Variants in CDH13 observed in about 807,000 individuals in gnomAD.
The protein encoded by CDH13 is cadherin-13.
Under a neutral mutation model 63.8 loss-of-function variants are expected in CDH13, and 24 were observed. The observed-to-expected ratio is 0.38, with a 90% CI of 0.27 to 0.53. The LOEUF is 0.53. CDH13 is among the 20% of genes least tolerant of loss of function. CDH13 has a pLI of 0.85. For synonymous variants in CDH13, 503 were observed against 355.3 expected (o/e 1.42, Z -4.67); for missense variants, 1,049 against 903.1 (o/e 1.16, Z -2.07).
intron 1 of CDH13, among the ~76,000 whole-genome samples, chr16:82,663,784 G>C (rs1432283150): frequency 6.6e-6 from 1 of 152,160 alleles, no homozygotes; most frequent in Admixed American, 6.5e-5. Context: ...AGGTGGGGTT[G>C]GGGGTGATCT....
intron 8 of CDH13, among the ~76,000 whole-genome samples, chr16:83,651,037 G>A (rs1216078399): frequency 1.3e-5 from 2 of 151,990 alleles, no homozygotes; most frequent in African/African-American, 4.8e-5. Flanking sequence ...GGAGGTCAAG[G>A]CTGCAGTGAG....
intron 4 of CDH13, among the ~76,000 whole-genome samples, chr16:83,176,512 GAAAAAAAA>G (rs869250059): frequency 5.6e-5 from 4 of 71,784 alleles, no homozygotes; most frequent in African/African-American, 1.8e-4. Context: ...TCCAGCTAGA[GAAAAAAAA>G]AAAAAAAAAA....
intron 8 of CDH13, among the ~76,000 whole-genome samples, chr16:83,654,202 C>G (rs1261225194): frequency 6.6e-6 from 1 of 151,988 alleles, no homozygotes. Context: ...TTCTTTCTAT[C>G]AGGCTGGTGC....
At chr16:82,881,336 G>T (rs761113873) in intron 2 of CDH13, among the ~76,000 whole-genome samples, 9 of 152,056 alleles carry the variant, frequency 5.9e-5, no homozygotes, top group African/African-American at 9.7e-5. Flanking sequence ...GTATTCTGGG[G>T]GTCATCTGCT....
At chr16:83,089,011 G>C (rs1258782600) in intron 3 of CDH13, among the ~76,000 whole-genome samples, 1 of 152,150 alleles carries the variant, frequency 6.6e-6, no homozygotes, top group Non-Finnish European at 1.5e-5. Flanking sequence ...AAACAGTGTG[G>C]ATTACAATGC....
intron 10 of CDH13, chr16:83,717,814 G>T (rs550946022): frequency 1.3e-5 from 2 of 152,194 alleles, no homozygotes; most frequent in African/African-American, 4.8e-5. Flanking sequence ...TACCGTGCAC[G>T]TTCTGCAGGA....
intron 6 of CDH13, among the ~76,000 whole-genome samples, chr16:83,470,235 T>C (rs1167966721): frequency 6.6e-6 from 1 of 152,154 alleles, no homozygotes; most frequent in Non-Finnish European, 1.5e-5. Context: ...TTTTTGCTTT[T>C]TTTAGAGAAA....
chr16:83,775,312 C>T (rs966779789), intron 11 of CDH13, among the ~76,000 whole-genome samples: 2 of 151,780 alleles, frequency 1.3e-5, no homozygotes, highest in African/African-American at 2.4e-5. Flanking sequence ...AGGTGCGTTT[C>T]TCTGGAGGCA....
At chr16:82,771,631 T>A (rs1225183795) in intron 1 of CDH13, among the ~76,000 whole-genome samples, 1 of 152,198 alleles carries the variant, frequency 6.6e-6, no homozygotes, top group African/African-American at 2.4e-5. Flanking sequence ...GAATTGGGAT[T>A]TGAGCTCAGG....
intron 4 of CDH13, among the ~76,000 whole-genome samples, chr16:83,213,516 C>T (rs1485138180): frequency 1.3e-5 from 2 of 152,138 alleles, no homozygotes; most frequent in African/African-American, 4.8e-5. Context: ...GAAGGCTTTT[C>T]CTGGCAGGTC....
chr16:82,698,344 C>G (rs1450189995), intron 1 of CDH13, among the ~76,000 whole-genome samples: 1 of 152,210 alleles, frequency 6.6e-6, no homozygotes, highest in Non-Finnish European at 1.5e-5. Flanking sequence ...AACTCTATCT[C>G]CTGGGTACTC....
At chr16:83,265,216 C>T (rs7194951) in intron 5 of CDH13, among the ~76,000 whole-genome samples, 2 of 151,942 alleles carry the variant, frequency 1.3e-5, no homozygotes, top group Non-Finnish European at 2.9e-5. Context: ...GCTTCTCAGC[C>T]ATCACCCTGA....
intron 1 of CDH13, among the ~76,000 whole-genome samples, chr16:82,845,226 C>G (rs2039208353): frequency 6.6e-6 from 1 of 152,180 alleles, no homozygotes; most frequent in Non-Finnish European, 1.5e-5. Flanking sequence ...CAGGGAATGA[C>G]TCTCAGACGT....
At chr16:83,646,294 G>T (rs1911785540) in intron 8 of CDH13, among the ~76,000 whole-genome samples, 1 of 152,200 alleles carries the variant, frequency 6.6e-6, no homozygotes, top group Non-Finnish European at 1.5e-5. Flanking sequence ...TGGGTGAGTA[G>T]CGTACCCGGG....
At chr16:82,676,486 C>CTTTTTTTTTTTT (rs11330492) in intron 1 of CDH13, among the ~76,000 whole-genome samples, 2 of 96,370 alleles carry the variant, frequency 2.1e-5, no homozygotes, top group Non-Finnish European at 4.1e-5. Flanking sequence ...ACCATCATTT[C>CTTTTTTTTTTTT]TTTTTTTTTT....
At chr16:82,865,444 G>C (rs532129594) in intron 2 of CDH13, among the ~76,000 whole-genome samples, 1 of 152,208 alleles carries the variant, frequency 6.6e-6, no homozygotes, top group African/African-American at 2.4e-5. Flanking sequence ...CTCAATTCTT[G>C]ACTTCCGTGC....
At chr16:82,803,732 A>G (rs1597640276) in intron 1 of CDH13, among the ~76,000 whole-genome samples, 1 of 152,176 alleles carries the variant, frequency 6.6e-6, no homozygotes, top group Admixed American at 6.5e-5. Context: ...ACAGAAGGAC[A>G]GAAACTGCAG....
intron 1 of CDH13, among the ~76,000 whole-genome samples, chr16:82,698,214 T>C (rs1274287898): frequency 5.3e-5 from 8 of 152,188 alleles, no homozygotes; most frequent in African/African-American, 1.4e-4. Flanking sequence ...CTATCTCTAG[T>C]CTCTTTAGTG....
At chr16:82,727,600 G>A (rs561237558) in intron 1 of CDH13, 1 of 152,270 alleles carries the variant, frequency 6.6e-6, no homozygotes, top group East Asian at 1.9e-4. Context: ...TTAGAACATG[G>A]TGTATTCTTT....
Sources: allele counts gnomAD v4.1 joint callset (sites outside exome capture counted in the v4.1 genomes callset), GRCh38; gene constraint gnomAD v4.1.1; transcripts MANE v1.5; gene names NCBI Gene and HGNC (gene_info 2026-07-23, HGNC 2026-07-21).